The following AKAP3 variants were observed in gnomAD, a reference collection of about 807,000 sequenced individuals.
The protein encoded by AKAP3 is A-kinase anchoring protein 3.
AKAP3 carries 27 observed loss-of-function variants against 57.2 expected under a neutral mutation model. The ratio of observed to expected loss-of-function variants is 0.47; its 90% CI spans 0.35 to 0.65. AKAP3 has a LOEUF of 0.65. Ranked by LOEUF, AKAP3 falls within the 30% of genes least tolerant of loss-of-function variation. The pLI, the probability that AKAP3 is intolerant of heterozygous loss-of-function variation, is 0.01. For synonymous variants in AKAP3, 334 were observed against 392.3 expected, an observed-to-expected ratio of 0.85 and a Z score of 1.76; for missense variants, 959 against 1,040.0, an observed-to-expected ratio of 0.92 and a Z score of 1.07.
chr12:4,632,277 G>A (rs1945507489), intron 4 of AKAP3, among the ~76,000 whole-genome samples: 1 of 152,180 alleles, frequency 6.6e-6, no homozygotes, highest in Non-Finnish European at 1.5e-5. Context: ...TCCACTTAGA[G>A]AGGTGGTATA....
chr12:4,632,330 G>C (rs7295274), intron 4 of AKAP3, among the ~76,000 whole-genome samples: 19 of 151,978 alleles, frequency 1.3e-4, no homozygotes, highest in Non-Finnish European at 2.8e-4. Context: ...ATGTGTAGTC[G>C]TGAGTTCTAC....
chr12:4,641,500 T>C (rs1945637509), intron 3 of AKAP3, among the ~76,000 whole-genome samples: 1 of 152,208 alleles, frequency 6.6e-6, no homozygotes. Flanking sequence ...CCCGGCCAGA[T>C]TTCCTAATTT....
chr12:4,616,669 TAAA>T (rs1945288978), intron 5 of AKAP3, among the ~76,000 whole-genome samples: 3 of 151,870 alleles, frequency 2.0e-5, no homozygotes, highest in Admixed American at 2.0e-4. Flanking sequence ...AAATATAAAA[TAAA>T]AACCTGTCAG....
rs191710575 is a variant in AKAP3, at chr12:4,627,649, C to A, written c.1253G>T (p.Arg418Leu). 6.2e-7 allele frequency: 1 copy of A among 1,613,886 alleles called. No individual in the cohort carries two copies. Among genetic ancestry groups the A allele is most frequent in the Non-Finnish European group, 8.5e-7 (1 of 1,180,022 alleles). The change falls in exon 5 of 6, where the codon CGA becomes CTA. Residue 418 changes from arginine (R) to leucine (L), a missense_variant. Arg to Leu is a moderately radical substitution (Grantham distance 102, BLOSUM62 -2). Coordinates refer to ENST00000228850, the MANE Select transcript of AKAP3 (RefSeq NM_001278309.2). The part of the protein sequence containing the change: ...SMKGMGDPKN[R>L]NVNFAMKSET... ...AGATTTCATGGCAAAGTTCACATTT[C>A]GGTTTTTAGGATCACCCATTCCTTT... is the stretch of plus-strand genomic sequence containing the variant.
intron 4 of AKAP3, among the ~76,000 whole-genome samples, chr12:4,629,797 GGGAAAATTGT>G (rs1319508704): frequency 6.6e-6 from 1 of 152,128 alleles, no homozygotes; most frequent in Non-Finnish European, 1.5e-5. Context: ...AGAAAATTCA[GGGAAAATTGT>G]GGATAATTAA....
rs1221621478 is a variant in AKAP3, at chr12:4,632,458, G to C, written c.97-3653C>G. Among the ~76,000 whole-genome samples, 3 of 152,190 alleles carry C rather than the reference G, an allele frequency of 2.0e-5. No individual in the cohort carries two copies. The East Asian group carries it at 5.8e-4, about 29-fold the overall frequency. ...AATCATAACTGTTAACTTTGGGTTA[G>C]CAGTTATGATTAATATTAATGGTTG... On this transcript the variant is annotated intron_variant, in intron 4 of 5. Coordinates refer to ENST00000228850, the MANE Select transcript of AKAP3 (RefSeq NM_001278309.2).
chr12:4,637,465 G>C (rs1268432946), intron 4 of AKAP3, among the ~76,000 whole-genome samples: 1 of 152,196 alleles, frequency 6.6e-6, no homozygotes, highest in African/African-American at 2.4e-5. Context: ...CCTGGGGGTA[G>C]TAGCTGCTTT....
chr12:4,618,314 A>G (rs1160049604), intron 5 of AKAP3, among the ~76,000 whole-genome samples: 4 of 152,210 alleles, frequency 2.6e-5, no homozygotes, highest in Non-Finnish European at 5.9e-5. Context: ...TGAATCTAAC[A>G]TTTATGGTCA....
chr12:4,633,967 ATT>A (rs1945532846), intron 4 of AKAP3, among the ~76,000 whole-genome samples: 1 of 105,004 alleles, frequency 9.5e-6, no homozygotes, highest in Admixed American at 8.4e-5. Flanking sequence ...ACATATCTAT[ATT>A]CTTTTTTTTT....
Position 4,626,499 on chromosome 12 carries a change from CTCCTGGATCCCTTCA to C in AKAP3, c.2388_2402del (p.Asp796_Gln800del). 6.2e-7 allele frequency: 1 copy of C among 1,612,824 alleles called. No homozygotes were observed. The highest frequency in any genetic ancestry group is 8.5e-7 in the Non-Finnish European group (1 of 1,179,246). The stretch of plus-strand genomic sequence containing the variant: ...TTCCTCTGCCTTTGTTTCTTACCTT[CTCCTGGATCCCTTCA>C]TCATCACCAGCAAAATACAAAATAG... On this transcript the variant is annotated inframe_deletion, in exon 5 of 6. Coordinates refer to ENST00000228850, the MANE Select transcript of AKAP3 (RefSeq NM_001278309.2).
At chr12:4,621,407 C>T (rs1247756199) in intron 5 of AKAP3, among the ~76,000 whole-genome samples, 1 of 152,176 alleles carries the variant, frequency 6.6e-6, no homozygotes, top group Admixed American at 6.5e-5. Flanking sequence ...CTCACTCATC[C>T]AGAGCAACTT....
Position 4,638,180 on chromosome 12 carries a change from T to C in AKAP3, c.17A>G (p.Asp6Gly), listed in dbSNP as rs369746108. 8.1e-6 allele frequency: 13 copies of C among 1,611,104 alleles called. No individual in the cohort carries two copies. The highest frequency in any genetic ancestry group is 1.1e-5 in the Non-Finnish European group (13 of 1,178,756). MSEKV[D>G]WLQSQNGVCK... is the part of the protein sequence containing the mutation. ...TACTCCATTTTGGCTTTGTAACCAG[T>C]CAACCTTTTCTGACATCTGGAAGCA... The change falls in exon 4 of 6, where the codon GAC becomes GGC. Residue 6 changes from aspartate to glycine, a missense_variant. Asp to Gly is a moderately conservative substitution (Grantham distance 94, BLOSUM62 -1). Coordinates refer to ENST00000228850, the MANE Select transcript of AKAP3 (RefSeq NM_001278309.2).
chr12:4,631,230 T>C (rs1565555218), intron 4 of AKAP3: 3 of 628,874 alleles, frequency 4.8e-6, no homozygotes, highest in Non-Finnish European at 5.7e-6. Context: ...TGGTAATCTC[T>C]TTTATGGATT....
rs752854503 is a variant in AKAP3 at position 4,615,684 on chromosome 12, C to T, written c.*55G>A. 9 of 1,575,024 alleles carry T rather than the reference C, an allele frequency of 5.7e-6. No homozygotes were observed. The highest frequency in any genetic ancestry group is 2.3e-5 in the South Asian group (2 of 85,234). On this transcript the variant is annotated 3_prime_UTR_variant, in exon 6 of 6. Coordinates refer to ENST00000228850, the MANE Select transcript of AKAP3 (RefSeq NM_001278309.2). ...GAGATGTGGAAGTGAGAAAGAAGGG[C>T]GGGGATAAGGGCCGGCCCCACTGCC...
rs375109838 is a variant in AKAP3 at position 4,626,195 on chromosome 12, A to G, written c.2406+301T>C. Among the ~76,000 whole-genome samples the G allele has an allele frequency of 1.1e-4, 16 of 152,328 alleles. No homozygotes were observed. The East Asian group carries it at 2.3e-3, about 22-fold the overall frequency. On this transcript the variant is annotated intron_variant, in intron 5 of 5. Transcript: ENST00000228850. ...CTATCCAAAACTCAGCCTAGAGCCC[A>G]GACCTTAATCTGATTCTTTCACTAG...
At chr12:4,631,084 T>C (rs2299835) in intron 4 of AKAP3, among the ~76,000 whole-genome samples, 38,792 of 152,040 alleles carry the variant, frequency 0.26, 5,543 homozygotes, top group East Asian at 0.39. Flanking sequence ...AGAGTAGCAA[T>C]AGAAGTTTGC....
intron 5 of AKAP3, among the ~76,000 whole-genome samples, chr12:4,618,894 G>C (rs1945315709): frequency 6.6e-6 from 1 of 152,122 alleles, no homozygotes; most frequent in Non-Finnish European, 1.5e-5. Flanking sequence ...CACAAACTGA[G>C]AGAAAATATT....
At chr12:4,631,086 GA>G in intron 4 of AKAP3, among the ~76,000 whole-genome samples, 1 of 152,084 alleles carries the variant, frequency 6.6e-6, no homozygotes, top group Non-Finnish European at 1.5e-5. Context: ...AGTAGCAATA[GA>G]AGTTTGCAGA....
rs143517596 is a variant in AKAP3, at chr12:4,615,810, G to A, written c.2491C>T (p.Arg831Cys). The change falls in exon 6 of 6, where the codon CGC becomes TGC. Residue 831 changes from arginine (R) to cysteine (C), a missense_variant. Arg to Cys is a radical substitution (Grantham distance 180). Coordinates refer to ENST00000228850, the MANE Select transcript of AKAP3 (RefSeq NM_001278309.2). The stretch of plus-strand genomic sequence containing the variant: ...TTCCCCACCGCCTCATTCAGCTGGC[G>A]CTCCTTCTCATAGCGCAGCACCGAC... ...LQSVLRYEKERQLNEAVGNVT... is the reference protein window; with the variant it reads ...LQSVLRYEKECQLNEAVGNVT... 1,139 of 1,614,164 alleles carry A rather than the reference G, an allele frequency of 7.1e-4. 1 individual carries two copies. The highest frequency in any genetic ancestry group is 8.6e-4 in the Non-Finnish European group (1,009 of 1,180,034).
Sources: gnomAD v4.1 joint callset for allele counts (sites outside exome capture counted in the v4.1 genomes callset) on GRCh38, gnomAD v4.1.1 for gene constraint, MANE v1.5 for transcripts, NCBI Gene and HGNC (gene_info 2026-07-23, HGNC 2026-07-21) for gene names.